Variants in IQGAP2 observed in about 807,000 individuals in gnomAD.
The protein encoded by IQGAP2 is IQ motif containing GTPase activating protein 2.
In IQGAP2, 173 loss-of-function variants were observed where a neutral mutation model predicts 201.3. The ratio of observed to expected loss-of-function variants is 0.86; its 90% CI spans 0.76 to 0.98. The LOEUF is 0.98. IQGAP2 is among the 50% of genes least tolerant of loss of function. The pLI is 0.00. For missense variants in IQGAP2, 1,687 were observed against 1,864.8 expected, an observed-to-expected ratio of 0.90 and a Z score of 1.76; for synonymous variants, 675 against 673.9, an observed-to-expected ratio of 1.00 and a Z score of -0.03.
intron 13 of IQGAP2, chr5:76,616,252 A>G (rs1748955616): frequency 6.6e-6 from 1 of 152,304 alleles, no homozygotes; most frequent in Non-Finnish European, 1.5e-5. Context: ...ATGGTCCTTC[A>G]AGGACTTGAA....
At chr5:76,562,263 C>G in intron 2 of IQGAP2, 133 bp from the exon 3 acceptor site, 2 of 635,258 alleles carry the variant, frequency 3.1e-6, no homozygotes, top group South Asian at 4.4e-5. Context: ...TCCCTTCCCA[C>G]CAGTGACACC....
chr5:76,604,226 G>A (rs1423226774), intron 11 of IQGAP2, among the ~76,000 whole-genome samples: 2 of 152,072 alleles, frequency 1.3e-5, no homozygotes, highest in East Asian at 1.9e-4. Context: ...GTGGGAACAT[G>A]TGTTGTTTGG....
intron 1 of IQGAP2, among the ~76,000 whole-genome samples, chr5:76,409,007 G>T (rs1369998085): frequency 6.6e-6 from 1 of 151,872 alleles, no homozygotes; most frequent in African/African-American, 2.4e-5. Context: ...TGGTCAGGCT[G>T]GTCTCGAACT....
In IQGAP2 at chr5:76,707,552, C is replaced by G. The variant is rs1416207249; in HGVS notation, c.*239C>G. 2.7e-6 allele frequency: 1 copy of G among 372,792 alleles called. No homozygotes were observed. Among genetic ancestry groups the G allele is most frequent in the Non-Finnish European group, 4.8e-6 (1 of 208,610 alleles). The allele number at this position is 372,792 out of a possible 1,614,324, so 23.1% of individuals were successfully genotyped here. A position where few individuals can be genotyped will look rare whatever the true frequency, so the allele number is the denominator to read the frequency against. The stretch of plus-strand genomic sequence containing the variant: ...TCCACACTGTACTGTGATATAGGTA[C>G]TCTGATTTAAAACTTTGGACATCCT... On this transcript the variant is annotated 3_prime_UTR_variant, in exon 36 of 36. Transcript: ENST00000274364.
chr5:76,407,422 GTAGT>G (rs1254423649), intron 1 of IQGAP2, among the ~76,000 whole-genome samples: 1 of 152,222 alleles, frequency 6.6e-6, no homozygotes, highest in Non-Finnish European at 1.5e-5. Context: ...AAGTTCTGAA[GTAGT>G]TAAACGCAGT....
chr5:76,649,669 G>C (rs1224039901), intron 17 of IQGAP2, among the ~76,000 whole-genome samples: 1 of 152,138 alleles, frequency 6.6e-6, no homozygotes, highest in Non-Finnish European at 1.5e-5. Flanking sequence ...AGCTGTCGAT[G>C]GATCTACCAT....
intron 5 of IQGAP2, among the ~76,000 whole-genome samples, chr5:76,580,379 G>A (rs1169663003): frequency 3.9e-5 from 6 of 152,058 alleles, no homozygotes; most frequent in Non-Finnish European, 7.4e-5. Flanking sequence ...ATCACAATAA[G>A]CCAAGATCGC....
At chr5:76,463,521 A>G (rs949372382) in intron 2 of IQGAP2, among the ~76,000 whole-genome samples, 1 of 152,224 alleles carries the variant, frequency 6.6e-6, no homozygotes, top group Non-Finnish European at 1.5e-5. Context: ...TCTGTAAGCT[A>G]TAGTGCCAGT....
At chr5:76,451,225 G>A (rs139039959) in intron 1 of IQGAP2, among the ~76,000 whole-genome samples, 2 of 152,256 alleles carry the variant, frequency 1.3e-5, no homozygotes, top group African/African-American at 4.8e-5. Flanking sequence ...GAAGTGTGCT[G>A]GCTGTTACTT....
chr5:76,470,217 G>A (rs1755029023), intron 2 of IQGAP2, among the ~76,000 whole-genome samples: 1 of 152,190 alleles, frequency 6.6e-6, no homozygotes, highest in South Asian at 2.1e-4. Flanking sequence ...TTCCATCAGA[G>A]TAGGCAACTG....
intron 2 of IQGAP2, among the ~76,000 whole-genome samples, chr5:76,546,558 G>A (rs556442121): frequency 3.3e-5 from 5 of 152,298 alleles, no homozygotes; most frequent in Admixed American, 1.3e-4. Flanking sequence ...CTGTTATGTC[G>A]TCAGAATGAG....
intron 2 of IQGAP2, among the ~76,000 whole-genome samples, chr5:76,549,042 A>G (rs1053942208): frequency 2.0e-5 from 3 of 152,192 alleles, no homozygotes; most frequent in Non-Finnish European, 4.4e-5. Context: ...GAACTAAACA[A>G]ATACTGCTGA....
chr5:76,473,423 T>G (rs565030591), intron 2 of IQGAP2, among the ~76,000 whole-genome samples: 2 of 152,334 alleles, frequency 1.3e-5, no homozygotes, highest in South Asian at 4.1e-4. Flanking sequence ...ATAATTTATC[T>G]TGTATTTACT....
At chr5:76,646,615 G>T (rs907426918) in intron 17 of IQGAP2, among the ~76,000 whole-genome samples, 4 of 152,098 alleles carry the variant, frequency 2.6e-5, no homozygotes, top group African/African-American at 9.7e-5. Context: ...GAGCTTAAGG[G>T]AGAAAAACCC....
intron 2 of IQGAP2, among the ~76,000 whole-genome samples, chr5:76,474,623 C>A (rs868036967): frequency 6.6e-6 from 1 of 152,122 alleles, no homozygotes; most frequent in African/African-American, 2.4e-5. Context: ...GCTTTTCCTG[C>A]CCCTGGTATT....
At chr5:76,541,598 A>G (rs1200586421) in intron 2 of IQGAP2, among the ~76,000 whole-genome samples, 5 of 152,208 alleles carry the variant, frequency 3.3e-5, no homozygotes, top group African/African-American at 7.2e-5. Context: ...TTGAGGAGCC[A>G]CCAAACTGTT....
intron 2 of IQGAP2, among the ~76,000 whole-genome samples, chr5:76,527,230 T>C (rs1169632619): frequency 6.6e-6 from 1 of 152,242 alleles, no homozygotes; most frequent in East Asian, 1.9e-4. Flanking sequence ...GCTTCGCCTC[T>C]GCAGAAGGAA....
Position 76,578,962 on chromosome 5 carries a change from C to T in IQGAP2, c.458+3193C>T, listed in dbSNP as rs145429007. On this transcript the variant is annotated intron_variant, in intron 5 of 35. Coordinates refer to ENST00000274364, the MANE Select transcript of IQGAP2 (RefSeq NM_006633.5). ...CGTAAGGGTAAGAACACTTTTTTGA[C>T]ATGTTGTTTAGTGCCCACCTTATTA... Among the ~76,000 whole-genome samples, 18 of 152,008 alleles carry T rather than the reference C, an allele frequency of 1.2e-4. No homozygotes were observed. In the East Asian group the frequency reaches 3.5e-3, roughly 30 times the overall value.
intron 2 of IQGAP2, chr5:76,547,417 G>GA (rs1376173340): frequency 5.1e-6 from 5 of 978,360 alleles, no homozygotes; most frequent in Middle Eastern, 5.2e-4. Context: ...TTAGAAGAGG[G>GA]AAGTCAAGTG....
Sources: allele counts gnomAD v4.1 joint callset (sites outside exome capture counted in the v4.1 genomes callset), GRCh38; gene constraint gnomAD v4.1.1; transcripts MANE v1.5; gene names NCBI Gene and HGNC (gene_info 2026-07-23, HGNC 2026-07-21).